The following LHFPL6 variants were observed in gnomAD, a reference collection of about 807,000 sequenced individuals.
The protein encoded by LHFPL6 is LHFPL tetraspan subfamily member 6, also known as LHFPL tetraspan subfamily member 6 protein.
In LHFPL6, 9 loss-of-function variants were observed where a neutral mutation model predicts 20.6. The observed-to-expected ratio is 0.44, with a 90% CI of 0.26 to 0.76. The LOEUF (loss-of-function observed/expected upper bound fraction) is 0.76. Ranked by LOEUF, LHFPL6 falls within the 30% of genes least tolerant of loss-of-function variation. The pLI is 0.20. For missense variants in LHFPL6, 218 were observed against 253.5 expected, an observed-to-expected ratio of 0.86 and a Z score of 0.95; for synonymous variants, 105 against 98.7, an observed-to-expected ratio of 1.06 and a Z score of -0.38.
intron 2 of LHFPL6, among the ~76,000 whole-genome samples, chr13:39,483,704 A>G (rs1475323793): frequency 6.6e-6 from 1 of 152,180 alleles, no homozygotes; most frequent in African/African-American, 2.4e-5. Flanking sequence ...AAATCAATGC[A>G]GAGAGGAAGA....
chr13:39,423,540 C>T (rs1165283268), intron 2 of LHFPL6, among the ~76,000 whole-genome samples: 1 of 152,072 alleles, frequency 6.6e-6, no homozygotes, highest in African/African-American at 2.4e-5. Context: ...TCTCCTGCCT[C>T]ACCTTCCTGA....
intron 2 of LHFPL6, among the ~76,000 whole-genome samples, chr13:39,579,460 G>A (rs1872214322): frequency 6.6e-6 from 1 of 152,136 alleles, no homozygotes; most frequent in South Asian, 2.1e-4. Flanking sequence ...CTCTCTTATA[G>A]TAAATTCAAG....
chr13:39,369,178 T>C (rs1870090682), intron 3 of LHFPL6, among the ~76,000 whole-genome samples: 1 of 151,852 alleles, frequency 6.6e-6, no homozygotes, highest in African/African-American at 2.4e-5. Flanking sequence ...TGTAACCATA[T>C]CTCAAGAAAT....
intron 3 of LHFPL6, among the ~76,000 whole-genome samples, chr13:39,374,143 G>A (rs558176047): frequency 8.3e-4 from 126 of 152,122 alleles, no homozygotes; most frequent in Non-Finnish European, 1.2e-3. Flanking sequence ...CATCAATGGT[G>A]GATTGGATAA....
intron 2 of LHFPL6, among the ~76,000 whole-genome samples, chr13:39,490,868 C>G (rs1868903098): frequency 6.6e-6 from 1 of 152,120 alleles, no homozygotes; most frequent in South Asian, 2.1e-4. Flanking sequence ...TCCTGGAAGT[C>G]CTATAGAAAC....
At chr13:39,449,250 T>G (rs1009478018) in intron 2 of LHFPL6, among the ~76,000 whole-genome samples, 4 of 152,194 alleles carry the variant, frequency 2.6e-5, no homozygotes, top group Non-Finnish European at 5.9e-5. Flanking sequence ...ACTAAACACA[T>G]ATGTGTAAAA....
intron 3 of LHFPL6, among the ~76,000 whole-genome samples, chr13:39,344,676 G>T (rs1484424644): frequency 6.6e-6 from 1 of 152,090 alleles, no homozygotes; most frequent in South Asian, 2.1e-4. Context: ...TCTCAGAGTT[G>T]GATTAGTCTT....
intron 2 of LHFPL6, among the ~76,000 whole-genome samples, chr13:39,531,208 G>A (rs898390759): frequency 6.6e-5 from 10 of 152,192 alleles, no homozygotes; most frequent in African/African-American, 2.4e-4. Context: ...AAAGCAATCT[G>A]AATGTAGACC....
chr13:39,597,712 G>C (rs1872811053), intron 2 of LHFPL6, among the ~76,000 whole-genome samples: 1 of 152,214 alleles, frequency 6.6e-6, no homozygotes, highest in Non-Finnish European at 1.5e-5. Context: ...CACAGGAAAA[G>C]TGATAGTCAC....
chr13:39,373,343 G>C lies in LHFPL6; in HGVS notation c.484+5085C>G, dbSNP rs570341590. Reference sequence around the variant, plus strand: ...CCATGGTCAGAGGGGGCTGTCAGAGGGGGTGAGCCAGGAATGTGTGGCCTC... The same window carrying C: ...CCATGGTCAGAGGGGGCTGTCAGAGCGGGTGAGCCAGGAATGTGTGGCCTC... On this transcript the variant is annotated intron_variant, in intron 3 of 3. Coordinates refer to ENST00000379589, the MANE Select transcript of LHFPL6 (RefSeq NM_005780.3). 2.0e-5 allele frequency among the ~76,000 whole-genome samples: 3 copies of C among 152,218 alleles called. No homozygotes were observed. The East Asian group carries it at 5.8e-4, about 29-fold the overall frequency.
intron 2 of LHFPL6, among the ~76,000 whole-genome samples, chr13:39,444,113 T>C (rs893928005): frequency 2.0e-5 from 3 of 152,188 alleles, no homozygotes; most frequent in African/African-American, 4.8e-5. Context: ...ATTATGTCCA[T>C]GTCCTAGAAC....
intron 2 of LHFPL6, among the ~76,000 whole-genome samples, chr13:39,514,598 A>T (rs2138478795): frequency 6.6e-6 from 1 of 152,146 alleles, no homozygotes; most frequent in South Asian, 2.1e-4. Flanking sequence ...TGAGCCCCAA[A>T]CTCCACCTGG....
At chr13:39,597,600 T>C (rs1872808469) in intron 2 of LHFPL6, among the ~76,000 whole-genome samples, 1 of 152,214 alleles carries the variant, frequency 6.6e-6, no homozygotes, top group African/African-American at 2.4e-5. Context: ...AAAAACTCAG[T>C]TGAGGGTAAC....
chr13:39,553,824 A>G (rs958848655), intron 2 of LHFPL6, among the ~76,000 whole-genome samples: 3 of 152,226 alleles, frequency 2.0e-5, no homozygotes, highest in Non-Finnish European at 4.4e-5. Context: ...ATAGTGGAAC[A>G]TCATTCCAGC....
At chr13:39,589,012 AATT>A (rs1332866710) in intron 2 of LHFPL6, among the ~76,000 whole-genome samples, 1 of 152,242 alleles carries the variant, frequency 6.6e-6, no homozygotes, top group Non-Finnish European at 1.5e-5. Context: ...CATGGAGGGT[AATT>A]ATTTACTGAA....
intron 3 of LHFPL6, among the ~76,000 whole-genome samples, chr13:39,373,125 C>T (rs1436286716): frequency 2.0e-5 from 3 of 152,222 alleles, no homozygotes; most frequent in Admixed American, 1.3e-4. Context: ...CAACTAAATA[C>T]AAGTCAGGCT....
intron 2 of LHFPL6, among the ~76,000 whole-genome samples, chr13:39,460,508 G>A (rs1029731471): frequency 2.0e-5 from 3 of 152,176 alleles, no homozygotes; most frequent in Non-Finnish European, 4.4e-5. Flanking sequence ...CCCTTTCTCA[G>A]CAATTCTGAA....
At chr13:39,397,696 T>C (rs1870878787) in intron 2 of LHFPL6, among the ~76,000 whole-genome samples, 1 of 152,232 alleles carries the variant, frequency 6.6e-6, no homozygotes, top group African/African-American at 2.4e-5. Flanking sequence ...CCAATGTTTG[T>C]ATTTCCATAT....
At chr13:39,574,204 C>T (rs9603568) in intron 2 of LHFPL6, among the ~76,000 whole-genome samples, 19,458 of 152,160 alleles carry the variant, frequency 0.13, 1,314 homozygotes, top group Admixed American at 0.17. Flanking sequence ...CAAACAAGGC[C>T]GGGCGCGGTG....
Sources: gnomAD v4.1 joint callset for allele counts (sites outside exome capture counted in the v4.1 genomes callset) on GRCh38, gnomAD v4.1.1 for gene constraint, MANE v1.5 for transcripts, NCBI Gene and HGNC (gene_info 2026-07-23, HGNC 2026-07-21) for gene names.